Variants in PLEKHM1 observed in about 807,000 individuals in gnomAD.
PLEKHM1 encodes pleckstrin homology domain-containing family M member 1.
PLEKHM1 carries 28 observed loss-of-function variants against 94.3 expected under a neutral mutation model. The ratio of observed to expected loss-of-function variants is 0.30; its 90% CI spans 0.22 to 0.41. The LOEUF (loss-of-function observed/expected upper bound fraction) is 0.41, where lower values mean the gene tolerates loss of function less well. Ranked by LOEUF, PLEKHM1 falls within the 10% of genes least tolerant of loss-of-function variation. The probability of loss-of-function intolerance (pLI) is 1.00; values close to 1 mark genes in which losing one functional copy is unlikely to be tolerated. For missense variants in PLEKHM1, 907 were observed against 1,358.6 expected, an observed-to-expected ratio of 0.67 and a Z score of 5.22; for synonymous variants, 424 against 581.2, an observed-to-expected ratio of 0.73 and a Z score of 3.89.
At chr17:45,452,964 A>C in intron 7 of PLEKHM1, 1 of 368,124 alleles carries the variant, frequency 2.7e-6, no homozygotes, top group Non-Finnish European at 5.1e-6. Context: ...TTATAATTAA[A>C]AAAAAGGGTG....
At chr17:45,474,183 T>C (rs1052377173) in intron 4 of PLEKHM1, among the ~76,000 whole-genome samples, 12 of 151,560 alleles carry the variant, frequency 7.9e-5, no homozygotes, top group African/African-American at 1.9e-4. Flanking sequence ...CAGCCGCCCA[T>C]GTAGCTGGGA....
At chr17:45,479,688 A>AAAAACAAAACAAAACAAAAC (rs56104486) in intron 2 of PLEKHM1, among the ~76,000 whole-genome samples, 21 of 151,336 alleles carry the variant, frequency 1.4e-4, no homozygotes, top group African/African-American at 5.1e-4. Flanking sequence ...TCCATCTCAG[A>AAAAACAAAACAAAACAAAAC]AAAACAAAAC....
At chr17:45,486,878 G>GA (rs2052148713) in intron 1 of PLEKHM1, among the ~76,000 whole-genome samples, 1 of 152,228 alleles carries the variant, frequency 6.6e-6, no homozygotes, top group Non-Finnish European at 1.5e-5. Flanking sequence ...GCGGGAATCA[G>GA]AAGGAGGCTT....
At chr17:45,489,617 C>T (rs1318654129) in intron 1 of PLEKHM1, among the ~76,000 whole-genome samples, 3 of 152,080 alleles carry the variant, frequency 2.0e-5, no homozygotes, top group Non-Finnish European at 2.9e-5. Flanking sequence ...GGAAAAACCC[C>T]GGCCCCACCC....
rs35591873 is a variant in PLEKHM1, at chr17:45,439,373, G to A, written c.3059+104C>T. On this transcript the variant is annotated intron_variant, in intron 11 of 11. Coordinates refer to ENST00000430334, the MANE Select transcript of PLEKHM1 (RefSeq NM_014798.3). ...ACAGCACAAAGTGGATGTTCAATAA[G>A]TTCCTGCCCACAGAGCGAAGCCTGC... 0.15 allele frequency: 200,357 copies of A among 1,313,518 alleles called. 18,185 individuals are homozygous for A. Among genetic ancestry groups the A allele is most frequent in the Middle Eastern group, 0.2 (845 of 4,298 alleles). 81.4% of individuals were successfully genotyped at this position (1,313,518 alleles called of 1,614,324 possible).
intron 7 of PLEKHM1, among the ~76,000 whole-genome samples, chr17:45,452,538 C>G (rs1310296648): frequency 6.6e-6 from 1 of 151,728 alleles, no homozygotes; most frequent in African/African-American, 2.4e-5. Flanking sequence ...TCAGTTTCCT[C>G]CCCTATCAAC....
At chr17:45,454,357 G>C in intron 6 of PLEKHM1, 85 bp from the exon 7 acceptor site, 1 of 1,251,994 alleles carries the variant, frequency 8.0e-7, no homozygotes, top group Middle Eastern at 2.5e-4. Flanking sequence ...CTGATGCCCT[G>C]CAGTGCATGT....
rs550601087 is a variant in PLEKHM1 at position 45,458,618 on chromosome 17, C to T, written c.1309-179G>A. Among the ~76,000 whole-genome samples, 762 of 152,126 alleles carry T rather than the reference C, an allele frequency of 5.0e-3. 3 individuals are homozygous for T. Among genetic ancestry groups the T allele is most frequent in the Middle Eastern group, 0.017 (5 of 294 alleles). ...CCTGAGTAGCTGGGATTACAGGCGC[C>T]CACCACCATGCCCAGCTAATTTTTG... On this transcript the variant is annotated intron_variant, in intron 5 of 11. Transcript: ENST00000430334.
In PLEKHM1 at chr17:45,475,196, T is replaced by C; in HGVS notation, c.827A>G (p.Asn276Ser). 1 of 1,613,968 alleles carries C rather than the reference T, an allele frequency of 6.2e-7. No individual in the cohort carries two copies. Among genetic ancestry groups the C allele is most frequent in the Non-Finnish European group, 8.5e-7 (1 of 1,179,852 alleles). The change falls in exon 4 of 12, where the codon AAT becomes AGT. Residue 276 changes from asparagine (N) to serine (S), a missense_variant. Physicochemically the swap from Asn to Ser is conservative, Grantham distance 46. Around this residue, in one of 3 missense-constraint regions of PLEKHM1, gnomAD observed 477 missense variants for 601.5 expected, o/e 0.79. Transcript: ENST00000430334. ...GCAATGGTCTGGACTCTTGGAGCCA[T>C]TCTCTTGGAGTAAGCAGCTATCAGA... ...LNSDSCLLQE[N>S]GSKSPDHCEE... is the part of the protein sequence containing the mutation.
chr17:45,438,257 G>C (rs757449212), intron 11 of PLEKHM1, among the ~76,000 whole-genome samples: 73 of 152,204 alleles, frequency 4.8e-4, no homozygotes, highest in Non-Finnish European at 9.3e-4. Flanking sequence ...TTTACGGCCA[G>C]GCGCAGTGGC....
At chr17:45,490,472 G>A (rs958334065) in intron 1 of PLEKHM1, among the ~76,000 whole-genome samples, 180 bp downstream of exon 1, 1 of 152,094 alleles carries the variant, frequency 6.6e-6, no homozygotes, top group Non-Finnish European at 1.5e-5. Flanking sequence ...GGTGCAGGGG[G>A]AAGGCTGGGT....
At chr17:45,443,623 G>A (rs371241420) in intron 9 of PLEKHM1, among the ~76,000 whole-genome samples, 16 of 152,288 alleles carry the variant, frequency 1.1e-4, no homozygotes, top group African/African-American at 3.8e-4. Flanking sequence ...GCAGGGTGGG[G>A]ATGGGTGAAT....
chr17:45,465,815 A>G lies in PLEKHM1; in HGVS notation c.1308+2394T>C, dbSNP rs989584085. Among the ~76,000 whole-genome samples, 4 of 152,024 alleles carry G rather than the reference A, an allele frequency of 2.6e-5. No individual in the cohort carries two copies. In the South Asian group the frequency reaches 6.2e-4, roughly 24 times the overall value. On this transcript the variant is annotated intron_variant, in intron 5 of 11. Transcript: ENST00000430334. Reference sequence around the variant, plus strand: ...TCAGAGCTTAGTGAGCAAAGATGCTATTCTGTCCCACCAGCTTTGAGGCCC... The same window carrying G: ...TCAGAGCTTAGTGAGCAAAGATGCTGTTCTGTCCCACCAGCTTTGAGGCCC...
At chr17:45,488,882 T>C (rs1267502278) in intron 1 of PLEKHM1, among the ~76,000 whole-genome samples, 1 of 151,964 alleles carries the variant, frequency 6.6e-6, no homozygotes. Flanking sequence ...GAGGTTGCGG[T>C]GAGCCGAGAT....
chr17:45,441,605 G>A (rs573426531), intron 9 of PLEKHM1, among the ~76,000 whole-genome samples: 6 of 152,256 alleles, frequency 3.9e-5, no homozygotes, highest in Non-Finnish European at 7.4e-5. Flanking sequence ...TGGAAGCCCT[G>A]GGAGCCCCTG....
intron 8 of PLEKHM1, among the ~76,000 whole-genome samples, chr17:45,449,956 AC>A (rs2050725525): frequency 7.6e-6 from 1 of 130,906 alleles, no homozygotes; most frequent in Admixed American, 7.8e-5. Context: ...CCATCCACCC[AC>A]CCACCTAGCC....
At chr17:45,435,791 C>T (rs2050238246), downstream of PLEKHM1, 3 of 369,768 alleles carry the variant, frequency 8.1e-6, no homozygotes, top group Admixed American at 1.0e-4. Flanking sequence ...CCAAGCCTTC[C>T]CCCGTGCCAG....
intron 1 of PLEKHM1, among the ~76,000 whole-genome samples, chr17:45,485,326 G>A (rs2052076233): frequency 6.6e-6 from 1 of 152,040 alleles, no homozygotes; most frequent in South Asian, 2.1e-4. Flanking sequence ...CTCTGGCTCC[G>A]AAACCCTGGG....
chr17:45,477,811 T>C (rs2051801028), intron 3 of PLEKHM1, 89 bp downstream of exon 3: 1 of 1,510,322 alleles, frequency 6.6e-7, no homozygotes, highest in Non-Finnish European at 9.1e-7. Flanking sequence ...GCACCTCTGT[T>C]GGCTTCCTGA....
Sources: allele counts gnomAD v4.1 joint callset (sites outside exome capture counted in the v4.1 genomes callset), GRCh38; gene constraint gnomAD v4.1.1; regional missense constraint gnomAD v4.1.1; transcripts MANE v1.5; gene names NCBI Gene and HGNC (gene_info 2026-07-23, HGNC 2026-07-21).